NIBAN1: variants seen among roughly 807,000 people sequenced by gnomAD.
The protein encoded by NIBAN1 is protein Niban 1.
A neutral mutation model predicts 75.1 loss-of-function variants in NIBAN1; 81 were observed. The observed-to-expected ratio is 1.08, with a 90% CI of 0.90 to 1.30. The LOEUF (loss-of-function observed/expected upper bound fraction) is 1.30, where lower values mean the gene tolerates loss of function less well. Among genes scored for constraint, NIBAN1 ranks in the 50% most tolerant of loss-of-function variants. NIBAN1 has a pLI of 0.00. For missense variants in NIBAN1, 1,133 were observed against 1,128.1 expected, an observed-to-expected ratio of 1.00 and a Z score of -0.06; for synonymous variants, 436 against 424.8, an observed-to-expected ratio of 1.03 and a Z score of -0.32.
chr1:184,867,391 T>C lies in NIBAN1; in HGVS notation c.601+17242A>G, dbSNP rs139140101. On this transcript the variant is annotated intron_variant, in intron 5 of 13. Coordinates refer to ENST00000367511, the MANE Select transcript of NIBAN1 (RefSeq NM_052966.4). ...AAACCACCTATGTTCTTAGCAAGAATGACTCATTATTATTGGCACAAGGAG... is the reference window on the plus strand; with the variant it reads ...AAACCACCTATGTTCTTAGCAAGAACGACTCATTATTATTGGCACAAGGAG... Among the ~76,000 whole-genome samples, 287 of 152,318 alleles carry C rather than the reference T, an allele frequency of 1.9e-3. 1 individual carries two copies. Among genetic ancestry groups the C allele is most frequent in the African/African-American group, 6.7e-3 (277 of 41,572 alleles).
chr1:184,948,641 T>C (rs1006949173), intron 1 of NIBAN1, among the ~76,000 whole-genome samples: 3 of 152,096 alleles, frequency 2.0e-5, no homozygotes, highest in Admixed American at 6.6e-5. Flanking sequence ...AAGAAGAGAA[T>C]GGTTAAATAA....
chr1:184,894,429 C>G (rs1453894882), intron 2 of NIBAN1, among the ~76,000 whole-genome samples: 1 of 152,104 alleles, frequency 6.6e-6, no homozygotes, highest in Non-Finnish European at 1.5e-5. Flanking sequence ...TTTCATTTCC[C>G]TCTATTATGC....
chr1:184,824,408 A>G (rs944462356), intron 6 of NIBAN1, among the ~76,000 whole-genome samples: 1 of 152,172 alleles, frequency 6.6e-6, no homozygotes, highest in African/African-American at 2.4e-5. Context: ...ATACAGCCAC[A>G]TTGAAGGATA....
At chr1:184,895,848 T>C (rs1656784397) in intron 2 of NIBAN1, among the ~76,000 whole-genome samples, 1 of 152,206 alleles carries the variant, frequency 6.6e-6, no homozygotes, top group African/African-American at 2.4e-5. Context: ...TCACTTAGGA[T>C]AATGGCCTCC....
chr1:184,860,991 A>G (rs1256340670), intron 5 of NIBAN1, among the ~76,000 whole-genome samples: 1 of 152,246 alleles, frequency 6.6e-6, no homozygotes, highest in East Asian at 1.9e-4. Context: ...GCATGGATCA[A>G]ATGAAATATT....
At chr1:184,852,045 T>A (rs2102264754) in intron 5 of NIBAN1, among the ~76,000 whole-genome samples, 1 of 152,194 alleles carries the variant, frequency 6.6e-6, no homozygotes, top group African/African-American at 2.4e-5. Flanking sequence ...GAGCAGAGAC[T>A]CACATGGAAG....
chr1:184,844,992 A>C (rs557660667), intron 5 of NIBAN1, among the ~76,000 whole-genome samples: 74 of 152,356 alleles, frequency 4.9e-4, no homozygotes, highest in Admixed American at 1.0e-3. Flanking sequence ...TCATGTACCA[A>C]TAAAGATAAT....
chr1:184,798,420 C>T (rs1262062091), intron 12 of NIBAN1, among the ~76,000 whole-genome samples: 1 of 152,218 alleles, frequency 6.6e-6, no homozygotes, highest in Non-Finnish European at 1.5e-5. Flanking sequence ...CTATTACTGT[C>T]CATGATAAGG....
intron 1 of NIBAN1, among the ~76,000 whole-genome samples, chr1:184,933,343 C>A (rs1657874367): frequency 6.6e-6 from 1 of 152,216 alleles, no homozygotes; most frequent in Non-Finnish European, 1.5e-5. Context: ...AAGGTCCCTG[C>A]CCTGAGGAGC....
intron 1 of NIBAN1, among the ~76,000 whole-genome samples, chr1:184,940,631 G>A (rs1658067428): frequency 6.6e-6 from 1 of 152,166 alleles, no homozygotes; most frequent in South Asian, 2.1e-4. Flanking sequence ...AACTAGTGTT[G>A]TCTTAAAACC....
intron 8 of NIBAN1, among the ~76,000 whole-genome samples, chr1:184,820,702 G>A (rs1318910462): frequency 1.3e-5 from 2 of 152,256 alleles, no homozygotes; most frequent in Non-Finnish European, 2.9e-5. Flanking sequence ...GAGCGATGAT[G>A]CCTGAAAGGC....
intron 5 of NIBAN1, among the ~76,000 whole-genome samples, chr1:184,839,621 G>C (rs1190423990): frequency 6.6e-6 from 1 of 151,064 alleles, no homozygotes; most frequent in African/African-American, 2.4e-5. Context: ...TTGAGACGTA[G>C]TTTCACTCTT....
At chr1:184,943,389 A>G (rs1209462334) in intron 1 of NIBAN1, among the ~76,000 whole-genome samples, 2 of 152,214 alleles carry the variant, frequency 1.3e-5, no homozygotes, top group Non-Finnish European at 2.9e-5. Flanking sequence ...CTTTGGGATT[A>G]ATATAGGCAT....
At chr1:184,934,419 T>C (rs931004788) in intron 1 of NIBAN1, among the ~76,000 whole-genome samples, 1 of 152,204 alleles carries the variant, frequency 6.6e-6, no homozygotes, top group African/African-American at 2.4e-5. Flanking sequence ...CTCAGTATTA[T>C]GCAATATACC....
intron 1 of NIBAN1, among the ~76,000 whole-genome samples, chr1:184,930,911 A>C (rs1657800599): frequency 6.6e-6 from 1 of 152,206 alleles, no homozygotes; most frequent in African/African-American, 2.4e-5. Context: ...GTGCTAGATA[A>C]AATACTTCAG....
At chr1:184,869,618 C>T (rs1656045918) in intron 5 of NIBAN1, among the ~76,000 whole-genome samples, 2 of 152,002 alleles carry the variant, frequency 1.3e-5, no homozygotes, top group South Asian at 4.2e-4. Flanking sequence ...TCTCGGCTCA[C>T]TGCAACTCCA....
intron 1 of NIBAN1, among the ~76,000 whole-genome samples, chr1:184,926,265 A>G (rs1657683216): frequency 1.3e-5 from 2 of 151,976 alleles, no homozygotes; most frequent in African/African-American, 4.8e-5. Context: ...TTAAGACGAG[A>G]CTCACTCTAT....
At chr1:184,944,700 T>C (rs1658179444) in intron 1 of NIBAN1, among the ~76,000 whole-genome samples, 1 of 152,280 alleles carries the variant, frequency 6.6e-6, no homozygotes, top group African/African-American at 2.4e-5. Context: ...AGTAATGTCA[T>C]GGGAAAAAGA....
chr1:184,896,774 T>G (rs1656811462), intron 2 of NIBAN1, among the ~76,000 whole-genome samples: 1 of 152,344 alleles, frequency 6.6e-6, no homozygotes, highest in Non-Finnish European at 1.5e-5. Context: ...TAGCCAGTTT[T>G]CTCAGCACCT....
Sources: gnomAD v4.1 joint callset for allele counts (sites outside exome capture counted in the v4.1 genomes callset) on GRCh38, gnomAD v4.1.1 for gene constraint, MANE v1.5 for transcripts, NCBI Gene and HGNC (gene_info 2026-07-23, HGNC 2026-07-21) for gene names.